The following ATOH8 variants were observed in gnomAD, a reference collection of about 807,000 sequenced individuals.
ATOH8 encodes the protein transcription factor ATOH8.
A neutral mutation model predicts 21.2 loss-of-function variants in ATOH8; 9 were observed. That is an observed-to-expected ratio of 0.42 (90% CI 0.26 to 0.74). The LOEUF is 0.74. Ranked by LOEUF, ATOH8 falls within the 30% of genes least tolerant of loss-of-function variation. The pLI is 0.24. For synonymous variants in ATOH8, 253 were observed against 224.0 expected (o/e 1.13, Z -1.16); for missense variants, 524 against 470.9 (o/e 1.11, Z -1.04).
chr2:85,765,263 T>C (rs1217780873), intron 2 of ATOH8, among the ~76,000 whole-genome samples: 1 of 152,224 alleles, frequency 6.6e-6, no homozygotes, highest in Non-Finnish European at 1.5e-5. Flanking sequence ...CTTCCTGGCC[T>C]GCCCCTCCCC....
rs558100068 is a variant in ATOH8, at chr2:85,783,568, C to CA, written c.961-3309dup. The CA allele has an allele frequency of 5.0e-3, 757 of 152,018 alleles. 9 individuals are homozygous for CA. The highest frequency in any genetic ancestry group is 0.017 in the African/African-American group (706 of 41,404). 9.4% of individuals were successfully genotyped at this position (152,018 alleles called of 1,614,324 possible). A position where few individuals can be genotyped will look rare whatever the true frequency, so the allele number is the denominator to read the frequency against. ...GGGCAACAAGAGTGAAACTCCGTCT[C>CA]AAAAAAAATAAATAAATAAAATAAA... On this transcript the variant is annotated intron_variant, in intron 2 of 2. Coordinates refer to ENST00000306279, the MANE Select transcript of ATOH8 (RefSeq NM_032827.7).
At position 85,766,489 on chromosome 2, in the gene ATOH8, T is replaced by C. The variant is rs192165633; in HGVS notation, c.960+2307T>C. Among the ~76,000 whole-genome samples, 85 of 152,268 alleles carry C rather than the reference T, an allele frequency of 5.6e-4. No homozygotes were observed. The highest frequency in any genetic ancestry group is 1.9e-3 in the African/African-American group (79 of 41,552). ...TTCATGGTCTCGCAGACTCACATCA[T>C]ATGTGTGGTGACACATTTCTCATAT... On this transcript the variant is annotated intron_variant, in intron 2 of 2. Transcript: ENST00000306279. This position sits in a 1 kb window ranked among gnomAD's most constrained non-coding sequence, Gnocchi z 4.0.
chr2:85,755,004 C>G, intron 1 of ATOH8, 47 bp downstream of exon 1: 1 of 1,530,912 alleles, frequency 6.5e-7, no homozygotes, highest in East Asian at 2.3e-5. Flanking sequence ...GGGACGACTG[C>G]GGGAATGGGT....
Position 85,789,740 on chromosome 2 carries a change from G to A in ATOH8, c.*2850G>A, listed in dbSNP as rs1175315196. On this transcript the variant is annotated 3_prime_UTR_variant, in exon 3 of 3. Transcript: ENST00000306279. ...TCAAGTGATCTTAATGTGCAGGCAA[G>A]GTTGAAGCCGCTGGTCTAAGTGGGG... Among the ~76,000 whole-genome samples the A allele has an allele frequency of 6.6e-6, 1 of 152,216 alleles. No homozygotes were observed. Among genetic ancestry groups the A allele is most frequent in the Non-Finnish European group, 1.5e-5 (1 of 68,044 alleles).
Position 85,786,952 on chromosome 2 carries a change from A to C in ATOH8, c.*62A>C. On this transcript the variant is annotated 3_prime_UTR_variant, in exon 3 of 3. Coordinates refer to ENST00000306279, the MANE Select transcript of ATOH8 (RefSeq NM_032827.7). ...CCTCCTTCCAGTCAGGCCTGAGGACAAGGTGAGCTCGCTGAGTCCAGCCTC... is the reference window on the plus strand; with the variant it reads ...CCTCCTTCCAGTCAGGCCTGAGGACCAGGTGAGCTCGCTGAGTCCAGCCTC... 6.2e-7 allele frequency: 1 copy of C among 1,612,364 alleles called. No individual in the cohort carries two copies. The highest frequency in any genetic ancestry group is 1.1e-5 in the South Asian group (1 of 90,996).
In ATOH8 at chr2:85,766,895, A is replaced by G. The variant is rs917713726; in HGVS notation, c.960+2713A>G. ...TCTTGGTGGGGATGTGTGGCCCCAC[A>G]CTGAAGCCCAGCATAGCTGGCCTTA... On this transcript the variant is annotated intron_variant, in intron 2 of 2. Transcript: ENST00000306279. This position sits in a 1 kb window ranked among gnomAD's most constrained non-coding sequence, Gnocchi z 4.0. Among the ~76,000 whole-genome samples the G allele has an allele frequency of 1.3e-5, 2 of 152,062 alleles. No individual in the cohort carries two copies. Among genetic ancestry groups the G allele is most frequent in the Admixed American group, 1.3e-4 (2 of 15,278 alleles).
At chr2:85,760,452 G>C (rs1164613422) in intron 1 of ATOH8, among the ~76,000 whole-genome samples, 1 of 152,142 alleles carries the variant, frequency 6.6e-6, no homozygotes, top group Non-Finnish European at 1.5e-5. Flanking sequence ...AGCTCAGGAG[G>C]ATGGGCTGCC....
At chr2:85,776,178 T>G (rs1235327147) in intron 2 of ATOH8, among the ~76,000 whole-genome samples, 2 of 152,014 alleles carry the variant, frequency 1.3e-5, no homozygotes, top group Non-Finnish European at 2.9e-5. Context: ...TGGGCAGGGC[T>G]GGGTGGGGCT....
At chr2:85,755,695 C>T (rs1221019058) in intron 1 of ATOH8, among the ~76,000 whole-genome samples, 1 of 152,106 alleles carries the variant, frequency 6.6e-6, no homozygotes, top group African/African-American at 2.4e-5. Flanking sequence ...GCGGGCTGCC[C>T]TCACCAGACA....
intron 1 of ATOH8, among the ~76,000 whole-genome samples, chr2:85,757,620 C>T (rs1381794235): frequency 2.0e-5 from 3 of 152,156 alleles, no homozygotes; most frequent in Non-Finnish European, 4.4e-5. Flanking sequence ...TGAGTTGTTC[C>T]TCCCCTGCAT....
intron 2 of ATOH8, among the ~76,000 whole-genome samples, chr2:85,784,899 G>A (rs1680584921): frequency 6.6e-6 from 1 of 152,256 alleles, no homozygotes; most frequent in African/African-American, 2.4e-5. Context: ...GACTTCCTTG[G>A]ATGGATGATG....
At position 85,764,170 on chromosome 2, in the gene ATOH8, C is replaced by T. The variant is rs374950997; in HGVS notation, c.948C>T (p.Ala316=). ...GCACCCTGCAGGCCGAGGGACGTGC[C>T]AAGAAGCGCAAGGTATGCACCAGCT... is the stretch of plus-strand genomic sequence containing the variant. The part of the protein sequence containing the change: ...CTRTLQAEGR[A]KKRKE The change falls in exon 2 of 3, where the codon GCC becomes GCT. Residue 316 remains alanine (A), a synonymous_variant. Transcript: ENST00000306279. 584 of 1,614,034 alleles carry T rather than the reference C, an allele frequency of 3.6e-4. No individual in the cohort carries two copies. The highest frequency in any genetic ancestry group is 4.5e-4 in the Non-Finnish European group (531 of 1,180,038).
Position 85,770,071 on chromosome 2 carries a change from G to A in ATOH8, c.960+5889G>A, listed in dbSNP as rs1470441525. Among the ~76,000 whole-genome samples, 12 of 152,302 alleles carry A rather than the reference G, an allele frequency of 7.9e-5. No homozygotes were observed. In the East Asian group the frequency reaches 2.1e-3, roughly 27 times the overall value. On this transcript the variant is annotated intron_variant, in intron 2 of 2. Coordinates refer to ENST00000306279, the MANE Select transcript of ATOH8 (RefSeq NM_032827.7). The stretch of plus-strand genomic sequence containing the variant: ...CTAGAGACTGTTGGGACCTCAGGGC[G>A]GTTTGCCCTGAGAATACTGGCGACA...
At position 85,789,226 on chromosome 2, in the gene ATOH8, T is replaced by C. The variant is rs1420039715; in HGVS notation, c.*2336T>C. 6.6e-6 allele frequency among the ~76,000 whole-genome samples: 1 copy of C among 152,142 alleles called. No individual in the cohort carries two copies. Among genetic ancestry groups the C allele is most frequent in the Non-Finnish European group, 1.5e-5 (1 of 68,028 alleles). On this transcript the variant is annotated 3_prime_UTR_variant, in exon 3 of 3. Coordinates refer to ENST00000306279, the MANE Select transcript of ATOH8 (RefSeq NM_032827.7). The stretch of plus-strand genomic sequence containing the variant: ...TCCCCCTCCTGCATACATACTTCAT[T>C]ACATGTTTCCCTTTCATTCTGAAGC...
At chr2:85,758,020 G>A (rs1484987850) in intron 1 of ATOH8, among the ~76,000 whole-genome samples, 2 of 152,082 alleles carry the variant, frequency 1.3e-5, no homozygotes, top group Non-Finnish European at 2.9e-5. Flanking sequence ...CTCCTGGGCT[G>A]AGGTGATCCA....
intron 2 of ATOH8, among the ~76,000 whole-genome samples, chr2:85,767,560 T>TCC (rs1209422732): frequency 5.8e-5 from 2 of 34,658 alleles, no homozygotes; most frequent in Non-Finnish European, 1.2e-4. Flanking sequence ...TGGTATTCCC[T>TCC]CTTCCCCTCC....
chr2:85,754,756 A>G lies in ATOH8; in HGVS notation c.567A>G (p.Glu189=). Residue 189 remains glutamate, a synonymous_variant, in exon 1 of 3, where the codon GAA becomes GAG. Transcript: ENST00000306279. ...CTGCGCCCCCGACGCGCCCCGGGGA[A>G]AGTTCCTACTCGTCAATTTCACACG... The part of the protein sequence containing the change: ...VRPAPPTRPG[E]SSYSSISHVI... 1 of 1,612,788 alleles carries G rather than the reference A, an allele frequency of 6.2e-7. No homozygotes were observed. Among genetic ancestry groups the G allele is most frequent in the South Asian group, 1.1e-5 (1 of 91,084 alleles).
chr2:85,773,481 G>A (rs1680245157), intron 2 of ATOH8: 1 of 153,282 alleles, frequency 6.5e-6, no homozygotes, highest in African/African-American at 2.4e-5. Flanking sequence ...TGGACACTGA[G>A]GGAGGAGCTG....
chr2:85,771,691 C>G (rs1680184986), intron 2 of ATOH8, among the ~76,000 whole-genome samples: 1 of 152,214 alleles, frequency 6.6e-6, no homozygotes, highest in South Asian at 2.1e-4. Flanking sequence ...ACATGCATAA[C>G]ATGTGGTCAT....
Sources: gnomAD v4.1 joint callset for allele counts (sites outside exome capture counted in the v4.1 genomes callset) on GRCh38, gnomAD v4.1.1 for gene constraint, Gnocchi (gnomAD v3.1) non-coding constraint, MANE v1.5 for transcripts, NCBI Gene and HGNC (gene_info 2026-07-23, HGNC 2026-07-21) for gene names.